Variants in SPTB observed in about 807,000 individuals in gnomAD.
The protein encoded by SPTB is spectrin beta chain, erythrocytic.
SPTB carries 45 observed loss-of-function variants against 256.2 expected under a neutral mutation model. That is an observed-to-expected ratio of 0.18 (90% CI 0.14 to 0.23). SPTB has a LOEUF of 0.23. Among genes scored for constraint, SPTB ranks in the 10% least tolerant of loss-of-function variants. SPTB has a pLI of 1.00. For missense variants in SPTB, 2,715 were observed against 3,040.4 expected (o/e 0.89, Z 2.52); for synonymous variants, 1,231 against 1,243.1 (o/e 0.99, Z 0.21).
At chr14:64,781,972 C>G (rs970180852) in intron 20 of SPTB, among the ~76,000 whole-genome samples, 2 of 152,182 alleles carry the variant, frequency 1.3e-5, no homozygotes, top group African/African-American at 4.8e-5. Flanking sequence ...AAACAGAAAA[C>G]CAAATACCAC....
chr14:64,793,236 G>T lies in SPTB; in HGVS notation c.2427C>A (p.Phe809Leu). The change falls in exon 14 of 36, where the codon TTC (phenylalanine) becomes TTA (leucine). Residue 809 changes from phenylalanine to leucine, a missense_variant. Transcript: ENST00000644917. This position sits in a 1 kb window ranked among gnomAD's most constrained non-coding sequence, Gnocchi z 7.0. ...CTGGGGAATCCCGAAACTCTTCGGG[G>T]AATCCCTGGGCCTGCTGCTCCAGGT... ...MEHLEQQAQG[F>L]PEEFRDSPDV... 1 of 1,609,524 alleles carries T rather than the reference G, an allele frequency of 6.2e-7. No homozygotes were observed. The highest frequency in any genetic ancestry group is 8.5e-7 in the Non-Finnish European group (1 of 1,180,028).
chr14:64,830,370 ATTATTAT>A (rs1251986947), intron 1 of SPTB, among the ~76,000 whole-genome samples: 2,690 of 98,482 alleles, frequency 0.027, 102 homozygotes, highest in African/African-American at 0.13. Flanking sequence ...TATTATTATT[ATTATTAT>A]TATTTTATTT....
intron 2 of SPTB, among the ~76,000 whole-genome samples, chr14:64,820,347 TG>T (rs1285634807): frequency 3.9e-5 from 6 of 152,186 alleles, no homozygotes; most frequent in Non-Finnish European, 8.8e-5. Flanking sequence ...CCCAGCAGAA[TG>T]GGCACATCTG....
chr14:64,766,928 C>T, intron 31 of SPTB, 127 bp from the exon 32 acceptor site: 2 of 1,235,092 alleles, frequency 1.6e-6, no homozygotes, highest in East Asian at 4.6e-5. Flanking sequence ...AGTCAGCCGG[C>T]AGCCTGGATG....
Position 64,792,086 on chromosome 14 carries a change from A to T in SPTB, c.2667-230T>A, listed in dbSNP as rs2082685134. 6.6e-6 allele frequency among the ~76,000 whole-genome samples: 1 copy of T among 152,214 alleles called. No individual in the cohort carries two copies. The highest frequency in any genetic ancestry group is 6.5e-5 in the Admixed American group (1 of 15,284). ...GCCTGGAACAGGCCGGGAGAGAGCC[A>T]GTTACTTCCTACACGGGCTTCTGGC... On this transcript the variant is annotated intron_variant, in intron 14 of 35. Transcript: ENST00000644917. This position sits in a 1 kb window ranked among gnomAD's most constrained non-coding sequence, Gnocchi z 4.2.
intron 1 of SPTB, among the ~76,000 whole-genome samples, chr14:64,874,391 T>C (rs1882706395): frequency 6.6e-6 from 1 of 152,238 alleles, no homozygotes; most frequent in South Asian, 2.1e-4. Context: ...ATCTGATCTC[T>C]TTGTGTGTCT....
intron 1 of SPTB, among the ~76,000 whole-genome samples, chr14:64,868,866 A>G (rs1278735526): frequency 6.6e-6 from 1 of 152,236 alleles, no homozygotes; most frequent in African/African-American, 2.4e-5. Context: ...TAGATGTCAA[A>G]TAACTACATT....
intron 2 of SPTB, among the ~76,000 whole-genome samples, chr14:64,805,816 G>GAAAATGA (rs769409261): frequency 3.9e-5 from 6 of 152,212 alleles, no homozygotes; most frequent in Non-Finnish European, 7.3e-5. Context: ...ATAGGGGGAG[G>GAAAATGA]AAAATGATGA....
rs1199156482 is a variant in SPTB, at chr14:64,873,898, A to T, written c.-52+5894T>A. On this transcript the variant is annotated intron_variant, in intron 1 of 35. Transcript: ENST00000644917. The surrounding 1 kb of genome is among the most constrained non-coding windows in gnomAD (Gnocchi z 4.3). ...CAGATCTTCCCTTCACATGCTCATC[A>T]TAAGATAAAATAAGATGATGTGTAG... Among the ~76,000 whole-genome samples, 2 of 152,256 alleles carry T rather than the reference A, an allele frequency of 1.3e-5. No individual in the cohort carries two copies. The highest frequency in any genetic ancestry group is 1.5e-5 in the Non-Finnish European group (1 of 68,044).
chr14:64,769,781 CCT>C (rs2082250671), intron 27 of SPTB, 53 bp from the exon 28 acceptor site: 3 of 1,612,472 alleles, frequency 1.9e-6, no homozygotes, highest in Non-Finnish European at 2.5e-6. Context: ...CTCTGGCCTG[CCT>C]CTGTGTCCCA....
At chr14:64,784,675 G>A (rs1337041455) in intron 18 of SPTB, among the ~76,000 whole-genome samples, 1 of 152,238 alleles carries the variant, frequency 6.6e-6, no homozygotes, top group Non-Finnish European at 1.5e-5. Flanking sequence ...GAGGACCTAG[G>A]ACAGGGCCTA....
At chr14:64,750,867 C>T (rs1474370175) in intron 33 of SPTB, among the ~76,000 whole-genome samples, 3 of 142,054 alleles carry the variant, frequency 2.1e-5, no homozygotes, top group East Asian at 4.0e-4. Flanking sequence ...AACATATATA[C>T]CTATTATGTA....
chr14:64,850,316 G>A (rs971292870), intron 1 of SPTB, among the ~76,000 whole-genome samples: 1 of 152,162 alleles, frequency 6.6e-6, no homozygotes, highest in East Asian at 1.9e-4. Context: ...CCTCCCCAGA[G>A]GCTGTCCACA....
rs751504585 is a variant in SPTB, at chr14:64,793,465, G to A, written c.2198C>T (p.Ala733Val). ...ATCCTGGAGGTTCTTCTTGCAGAAGGCAGCCAGGTCCTTCAGCTGGTCCCA... is the reference window on the plus strand; with the variant it reads ...ATCCTGGAGGTTCTTCTTGCAGAAGACAGCCAGGTCCTTCAGCTGGTCCCA... ...AQWDQLKDLA[A>V]FCKKNLQDAE... The change falls in exon 14 of 36, where the codon GCC becomes GTC. Residue 733 changes from alanine (A) to valine (V), a missense_variant. Transcript: ENST00000644917. This position sits in a 1 kb window ranked among gnomAD's most constrained non-coding sequence, Gnocchi z 7.0. 6.2e-7 allele frequency: 1 copy of A among 1,614,072 alleles called. No homozygotes were observed. The highest frequency in any genetic ancestry group is 8.5e-7 in the Non-Finnish European group (1 of 1,180,048).
At chr14:64,819,498 A>G (rs965795395) in intron 2 of SPTB, among the ~76,000 whole-genome samples, 2 of 152,172 alleles carry the variant, frequency 1.3e-5, no homozygotes, top group East Asian at 3.9e-4. Context: ...ACCCAGCCAG[A>G]TGGCGGAGAC....
rs764890720 is a variant in SPTB, at chr14:64,793,733, A to T, written c.1930T>A (p.Trp644Arg). 1 of 1,614,174 alleles carries T rather than the reference A, an allele frequency of 6.2e-7. No individual in the cohort carries two copies. Among genetic ancestry groups the T allele is most frequent in the Non-Finnish European group, 8.5e-7 (1 of 1,180,046 alleles). The change falls in exon 14 of 36, where the codon TGG (tryptophan) becomes AGG (arginine). Residue 644 changes from tryptophan to arginine, a missense_variant. Trp to Arg is a moderately radical substitution (Grantham distance 101). This residue lies in a region of SPTB where 2,239 missense variants were observed against 2,384.4 expected (regional missense o/e 0.94). Coordinates refer to ENST00000644917, the MANE Select transcript of SPTB (RefSeq NM_001355436.2). The surrounding 1 kb of genome is among the most constrained non-coding windows in gnomAD (Gnocchi z 7.0). ...EQSKRLWKFF[W>R]EMDEAESWIK... ...CAGCTCTCAGCCTCATCCATCTCCC[A>T]GAAGAACTTCCAGAGTCGTTTGGAC...
intron 2 of SPTB, among the ~76,000 whole-genome samples, chr14:64,818,488 C>T (rs1392322135): frequency 1.3e-5 from 2 of 152,116 alleles, no homozygotes; most frequent in Non-Finnish European, 2.9e-5. Flanking sequence ...CTGTGGGGTT[C>T]CTCCACTCCC....
At chr14:64,812,395 G>A (rs987001689) in intron 2 of SPTB, among the ~76,000 whole-genome samples, 1 of 152,160 alleles carries the variant, frequency 6.6e-6, no homozygotes, top group Non-Finnish European at 1.5e-5. Flanking sequence ...AAGTGAAAAG[G>A]AGAGAGCAAG....
rs779713265 is a variant in SPTB at position 64,799,854 on chromosome 14, C to T, written c.957G>A (p.Glu319=). The change falls in exon 9 of 36, where the codon GAG becomes GAA. Residue 319 remains glutamate (E), a synonymous_variant. Transcript: ENST00000644917. ...GGCTGTTCAGGACAGTGATGGTCTG[C>T]TCGATCCAGGTGAGCAGGTCCGAGG... The part of the protein sequence containing the change: ...GLASDLLTWI[E]QTITVLNSRK... The T allele has an allele frequency of 8.7e-6, 14 of 1,614,258 alleles. No individual in the cohort carries two copies. The highest frequency in any genetic ancestry group is 1.2e-5 in the Non-Finnish European group (14 of 1,180,052).
Sources: allele counts gnomAD v4.1 joint callset (sites outside exome capture counted in the v4.1 genomes callset), GRCh38; gene constraint gnomAD v4.1.1; regional missense constraint gnomAD v4.1.1; non-coding constraint Gnocchi (gnomAD v3.1); transcripts MANE v1.5; gene names NCBI Gene and HGNC (gene_info 2026-07-23, HGNC 2026-07-21).